Variants in GALNT2 observed in about 807,000 individuals in gnomAD.
The protein encoded by GALNT2 is UDP-GalNAc:polypeptide N-acetylgalactosaminyltransferase 2.
Under a neutral mutation model 81.4 loss-of-function variants are expected in GALNT2, and 31 were observed. The ratio of observed to expected loss-of-function variants is 0.38; its 90% confidence interval spans 0.29 to 0.51. The LOEUF (loss-of-function observed/expected upper bound fraction) is 0.51. Among genes scored for constraint, GALNT2 ranks in the 20% least tolerant of loss-of-function variants. GALNT2 has a pLI of 0.87. For missense variants in GALNT2, 629 were observed against 765.7 expected (o/e 0.82, Z 2.11); for synonymous variants, 303 against 287.4 (o/e 1.05, Z -0.55).
At chr1:230,240,297 A>T (rs1384577108) in intron 6 of GALNT2, among the ~76,000 whole-genome samples, 2 of 152,158 alleles carry the variant, frequency 1.3e-5, no homozygotes, top group Non-Finnish European at 2.9e-5. Context: ...TCAGCACTTT[A>T]AAGGTTTCAC....
intron 2 of GALNT2, among the ~76,000 whole-genome samples, chr1:230,190,025 G>A (rs150370033): frequency 1.4e-4 from 21 of 152,304 alleles, no homozygotes; most frequent in African/African-American, 4.8e-4. Flanking sequence ...AGGTGGAACC[G>A]TGTGACACTT....
intron 1 of GALNT2, among the ~76,000 whole-genome samples, chr1:230,111,162 C>T (rs923335634): frequency 6.6e-6 from 1 of 152,230 alleles, no homozygotes; most frequent in Non-Finnish European, 1.5e-5. Flanking sequence ...CACACATGTA[C>T]ACAGCACACA....
At chr1:230,238,730 T>C (rs1025649369) in intron 6 of GALNT2, among the ~76,000 whole-genome samples, 2 of 152,236 alleles carry the variant, frequency 1.3e-5, no homozygotes, top group Non-Finnish European at 2.9e-5. Context: ...CAGTTGGTCA[T>C]GATACAGTAT....
chr1:230,268,075 T>C (rs1666079417), intron 14 of GALNT2, among the ~76,000 whole-genome samples: 1 of 152,094 alleles, frequency 6.6e-6, no homozygotes, highest in African/African-American at 2.4e-5. Flanking sequence ...TGGGGAGAGA[T>C]GTTTTATGTG....
At chr1:230,266,034 T>TAA (rs199851711) in intron 14 of GALNT2, among the ~76,000 whole-genome samples, 1 of 149,230 alleles carries the variant, frequency 6.7e-6, no homozygotes, top group African/African-American at 2.5e-5. Context: ...CTGCTAAAAA[T>TAA]AAAAAAAAAA....
chr1:230,122,974 G>A (rs1338534789), intron 1 of GALNT2, among the ~76,000 whole-genome samples: 2 of 152,196 alleles, frequency 1.3e-5, no homozygotes, highest in African/African-American at 4.8e-5. Flanking sequence ...TTGAGTTGGG[G>A]ATGTGCAGTA....
intron 2 of GALNT2, among the ~76,000 whole-genome samples, chr1:230,190,208 A>T (rs535102836): frequency 6.6e-6 from 1 of 152,248 alleles, no homozygotes; most frequent in Non-Finnish European, 1.5e-5. Flanking sequence ...AAAAATAAGA[A>T]AATTATATTC....
chr1:230,165,787 A>G (rs1450866006), intron 1 of GALNT2, among the ~76,000 whole-genome samples: 4 of 152,180 alleles, frequency 2.6e-5, no homozygotes, highest in African/African-American at 9.7e-5. Flanking sequence ...CTCGAGAGGG[A>G]GGGAGGCCCT....
intron 1 of GALNT2, among the ~76,000 whole-genome samples, chr1:230,124,413 C>G (rs1219082641): frequency 6.6e-6 from 1 of 152,122 alleles, no homozygotes; most frequent in African/African-American, 2.4e-5. Flanking sequence ...GCTGGAATGT[C>G]CCCTTGTCAC....
chr1:230,104,406 C>G (rs981990716), intron 1 of GALNT2, among the ~76,000 whole-genome samples: 1 of 152,116 alleles, frequency 6.6e-6, no homozygotes, highest in Admixed American at 6.5e-5. Flanking sequence ...CAAAGAGAGG[C>G]GGCTGTATTT....
intron 1 of GALNT2, among the ~76,000 whole-genome samples, chr1:230,077,349 T>C (rs1051204437): frequency 3.3e-5 from 5 of 152,210 alleles, no homozygotes; most frequent in Non-Finnish European, 5.9e-5. Flanking sequence ...CCTGTCTCAC[T>C]TTTGATCATC....
chr1:230,238,433 A>T (rs963147076), intron 6 of GALNT2, among the ~76,000 whole-genome samples: 2 of 152,224 alleles, frequency 1.3e-5, no homozygotes, highest in Admixed American at 1.3e-4. Context: ...CTGCATTTTT[A>T]AAAGCTGCTA....
At chr1:230,210,741 G>A (rs916761583) in intron 3 of GALNT2, among the ~76,000 whole-genome samples, 2 of 152,192 alleles carry the variant, frequency 1.3e-5, no homozygotes, top group Admixed American at 6.5e-5. Flanking sequence ...TCTTAAGGGT[G>A]TATTCTTTTA....
At chr1:230,256,691 A>G (rs1472838311) in intron 11 of GALNT2, among the ~76,000 whole-genome samples, 2 of 152,222 alleles carry the variant, frequency 1.3e-5, no homozygotes, top group African/African-American at 2.4e-5. Context: ...TAGCCGTTCT[A>G]TCAAGCCAAG....
chr1:230,130,072 C>G (rs1436480274), intron 1 of GALNT2, among the ~76,000 whole-genome samples: 1 of 152,222 alleles, frequency 6.6e-6, no homozygotes, highest in African/African-American at 2.4e-5. Flanking sequence ...CCCTGCAGTC[C>G]TCTCTTGTCT....
intron 1 of GALNT2, among the ~76,000 whole-genome samples, chr1:230,068,974 C>T (rs1659291044): frequency 6.6e-6 from 1 of 152,350 alleles, no homozygotes; most frequent in East Asian, 1.9e-4. Flanking sequence ...AACTTTGCTT[C>T]CCGGTAAACT....
At chr1:230,166,638 G>A (rs1200578872) in intron 1 of GALNT2, among the ~76,000 whole-genome samples, 2 of 152,216 alleles carry the variant, frequency 1.3e-5, no homozygotes, top group African/African-American at 4.8e-5. Flanking sequence ...TGGGTGTGAT[G>A]TGCTGGTCTC....
At chr1:230,183,849 G>A (rs1043236294) in intron 2 of GALNT2, among the ~76,000 whole-genome samples, 22 of 151,998 alleles carry the variant, frequency 1.4e-4, no homozygotes, top group African/African-American at 2.4e-4. Flanking sequence ...GTGGTGGTGC[G>A]TGCCTGTAAT....
chr1:230,142,396 G>A (rs1661774562), intron 1 of GALNT2, among the ~76,000 whole-genome samples: 1 of 152,154 alleles, frequency 6.6e-6, no homozygotes, highest in Non-Finnish European at 1.5e-5. Context: ...TGCCCCCCAT[G>A]CTCAGAGGCT....
Sources: gnomAD v4.1 joint callset for allele counts (sites outside exome capture counted in the v4.1 genomes callset) on GRCh38, gnomAD v4.1.1 for gene constraint, MANE v1.5 for transcripts, NCBI Gene and HGNC (gene_info 2026-07-23, HGNC 2026-07-21) for gene names.